Variants in PLXDC1 observed in about 807,000 individuals in gnomAD.
PLXDC1 encodes plexin domain-containing protein 1.
PLXDC1 carries 39 observed loss-of-function variants against 61.3 expected under a neutral mutation model. The ratio of observed to expected loss-of-function variants is 0.64; its 90% CI spans 0.49 to 0.83. The LOEUF (loss-of-function observed/expected upper bound fraction) is 0.83, where lower values mean the gene tolerates loss of function less well. Among genes scored for constraint, PLXDC1 ranks in the 40% least tolerant of loss-of-function variants. The pLI is 0.00. For missense variants in PLXDC1, 596 were observed against 666.5 expected, an observed-to-expected ratio of 0.89 and a Z score of 1.17; for synonymous variants, 212 against 254.5, an observed-to-expected ratio of 0.83 and a Z score of 1.59.
chr17:39,150,257 A>T (rs73983247), intron 1 of PLXDC1, among the ~76,000 whole-genome samples: 3 of 151,596 alleles, frequency 2.0e-5, no homozygotes, highest in African/African-American at 7.3e-5. Context: ...TCCCACCCCC[A>T]ACATACTCTT....
chr17:39,081,923 C>G (rs1909577468), intron 9 of PLXDC1, among the ~76,000 whole-genome samples: 1 of 152,202 alleles, frequency 6.6e-6, no homozygotes, highest in Non-Finnish European at 1.5e-5. Flanking sequence ...GCCTGGATGA[C>G]AGAGCAAGAC....
chr17:39,108,102 A>C (rs1910660353), intron 5 of PLXDC1, 21 bp downstream of exon 5: 2 of 1,613,956 alleles, frequency 1.2e-6, no homozygotes, highest in South Asian at 1.1e-5. Flanking sequence ...GGGTGACTTA[A>C]ATTCTGAGAT....
intron 12 of PLXDC1, chr17:39,070,514 C>G (rs1004557282): frequency 6.5e-6 from 1 of 152,998 alleles, no homozygotes; most frequent in Non-Finnish European, 1.5e-5. Flanking sequence ...ATTAGATGAT[C>G]CATGTCAAGC....
chr17:39,152,152 AC>A (rs1325587310), upstream of PLXDC1, among the ~76,000 whole-genome samples: 1 of 97,494 alleles, frequency 1.0e-5, no homozygotes, highest in Non-Finnish European at 1.9e-5. Flanking sequence ...CCTGAATCCC[AC>A]CCCCCTTCCA....
intron 2 of PLXDC1, among the ~76,000 whole-genome samples, chr17:39,132,824 G>A (rs1260304442): frequency 6.6e-6 from 1 of 151,990 alleles, no homozygotes; most frequent in Admixed American, 6.6e-5. Context: ...TGTGTAGGGG[G>A]AGGCAAAAGG....
chr17:39,145,784 A>G (rs2045337601), intron 1 of PLXDC1, among the ~76,000 whole-genome samples: 1 of 152,168 alleles, frequency 6.6e-6, no homozygotes, highest in African/African-American at 2.4e-5. Context: ...CTAGACACTG[A>G]ACCCTGAATC....
At chr17:39,152,453 G>T (rs2045380479), upstream of PLXDC1, 3 of 1,077,504 alleles carry the variant, frequency 2.8e-6, no homozygotes, top group Non-Finnish European at 2.4e-6. Context: ...TTTCTTCCAG[G>T]ACAGAATAAA....
intron 2 of PLXDC1, among the ~76,000 whole-genome samples, chr17:39,120,651 C>G (rs1330718226): frequency 1.5e-5 from 2 of 137,358 alleles, no homozygotes; most frequent in Non-Finnish European, 3.1e-5. Flanking sequence ...CTTGCCTGAT[C>G]ATGGCTCACT....
chr17:39,147,238 G>A (rs1025040085), intron 1 of PLXDC1, among the ~76,000 whole-genome samples: 2 of 152,056 alleles, frequency 1.3e-5, no homozygotes, highest in African/African-American at 2.4e-5. Flanking sequence ...TTACAGGCGC[G>A]GGCCACCGCG....
At chr17:39,114,230 C>T (rs1910896945) in intron 2 of PLXDC1, among the ~76,000 whole-genome samples, 1 of 152,168 alleles carries the variant, frequency 6.6e-6, no homozygotes, top group African/African-American at 2.4e-5. Flanking sequence ...AAATCCTTCC[C>T]CACGTGTGGT....
At chr17:39,129,247 G>T (rs1253428663) in intron 2 of PLXDC1, among the ~76,000 whole-genome samples, 8 of 151,032 alleles carry the variant, frequency 5.3e-5, no homozygotes, top group Non-Finnish European at 8.8e-5. Context: ...GAACCCAGGA[G>T]ACAGAGGTTG....
intron 1 of PLXDC1, among the ~76,000 whole-genome samples, chr17:39,144,193 C>T (rs2143968103): frequency 6.6e-6 from 1 of 152,258 alleles, no homozygotes; most frequent in Admixed American, 6.5e-5. Context: ...ACCTCCACAC[C>T]CAGTCTTGCC....
At position 39,063,592 on chromosome 17, in the gene PLXDC1, TTC is replaced by T. The variant is rs1339820591; in HGVS notation, c.*4246_*4247del. 1.5e-6 allele frequency: 1 copy of T among 680,074 alleles called. No homozygotes were observed. The highest frequency in any genetic ancestry group is 2.7e-5 in the East Asian group (1 of 37,074). The allele number at this position is 680,074 out of a possible 1,614,324, so 42.1% of individuals were successfully genotyped here. ...AATGCCACTCCAAATCCTTTGCACT[TTC>T]TTTTGCACACAGCAGGAGTTGTAAA... On this transcript the variant is annotated 3_prime_UTR_variant, in exon 14 of 14. Coordinates refer to ENST00000315392, the MANE Select transcript of PLXDC1 (RefSeq NM_020405.5).
intron 7 of PLXDC1, among the ~76,000 whole-genome samples, chr17:39,098,687 C>T (rs746513235): frequency 1.4e-4 from 22 of 152,142 alleles, no homozygotes; most frequent in Non-Finnish European, 3.1e-4. Context: ...CACTGCATGG[C>T]GGAGTGGTTA....
intron 2 of PLXDC1, among the ~76,000 whole-genome samples, chr17:39,128,676 A>C (rs1911432505): frequency 6.6e-6 from 1 of 152,048 alleles, no homozygotes; most frequent in African/African-American, 2.4e-5. Context: ...TTACCATATG[A>C]CCCAGCAATT....
chr17:39,107,642 A>C, intron 5 of PLXDC1, 117 bp from the exon 6 acceptor site: 1 of 784,934 alleles, frequency 1.3e-6, no homozygotes, highest in Non-Finnish European at 2.3e-6. Flanking sequence ...ATGATGGGGA[A>C]GTTTGCAAAG....
At chr17:39,148,624 G>A (rs183569658) in intron 1 of PLXDC1, among the ~76,000 whole-genome samples, 11 of 152,048 alleles carry the variant, frequency 7.2e-5, no homozygotes, top group African/African-American at 2.4e-4. Context: ...TAGTAGAGAC[G>A]GGGTTTCACC....
chr17:39,068,053 T>C, intron 13 of PLXDC1, 94 bp from the exon 14 acceptor site: 1 of 1,264,734 alleles, frequency 7.9e-7, no homozygotes. Flanking sequence ...AGACTGTCTC[T>C]TATAAGGGCC....
At chr17:39,118,558 C>T (rs760930188) in intron 2 of PLXDC1, among the ~76,000 whole-genome samples, 3 of 152,164 alleles carry the variant, frequency 2.0e-5, no homozygotes, top group Non-Finnish European at 4.4e-5. Flanking sequence ...GCCCTGCTAA[C>T]TAAAATTTCA....
Sources: allele counts gnomAD v4.1 joint callset (sites outside exome capture counted in the v4.1 genomes callset), GRCh38; gene constraint gnomAD v4.1.1; transcripts MANE v1.5; gene names NCBI Gene and HGNC (gene_info 2026-07-23, HGNC 2026-07-21).